Variants in RARB observed in about 807,000 individuals in gnomAD.
The protein encoded by RARB is HBV-activated protein.
Under a neutral mutation model 51.9 loss-of-function variants are expected in RARB, and 17 were observed. The observed-to-expected ratio is 0.33, with a 90% CI of 0.22 to 0.49. The LOEUF is 0.49. Ranked by LOEUF, RARB falls within the 20% of genes least tolerant of loss-of-function variation. RARB has a pLI of 0.99. For missense variants in RARB, 369 were observed against 550.8 expected (o/e 0.67, Z 3.30); for synonymous variants, 215 against 195.4 (o/e 1.10, Z -0.84).
intron 2 of RARB, among the ~76,000 whole-genome samples, chr3:25,031,608 C>T (rs755227601): frequency 2.6e-5 from 4 of 152,194 alleles, no homozygotes; most frequent in Non-Finnish European, 5.9e-5. Flanking sequence ...TGTTGACCCA[C>T]TTCCTCTTAC....
intron 3 of RARB, 66 bp downstream of exon 3, chr3:25,501,389 AG>A: frequency 6.4e-7 from 1 of 1,568,086 alleles, no homozygotes; most frequent in Non-Finnish European, 8.6e-7. Flanking sequence ...CACCTTCCAC[AG>A]TCATGTGGAA....
At chr3:25,014,881 ATT>A (rs1559434156) in intron 2 of RARB, among the ~76,000 whole-genome samples, 1 of 151,908 alleles carries the variant, frequency 6.6e-6, no homozygotes, top group East Asian at 1.9e-4. Context: ...CTCTCCTCCT[ATT>A]TTGGTTATAT....
intron 3 of RARB, among the ~76,000 whole-genome samples, chr3:25,085,524 T>G (rs886932665): frequency 6.6e-6 from 1 of 152,142 alleles, no homozygotes; most frequent in Admixed American, 6.6e-5. Flanking sequence ...CATGTTTTTC[T>G]TACTCTAGGC....
intron 2 of RARB, among the ~76,000 whole-genome samples, chr3:24,909,912 T>A (rs1186433263): frequency 7.2e-5 from 11 of 152,190 alleles, no homozygotes; most frequent in Non-Finnish European, 1.5e-4. Context: ...TGTGTTTGTA[T>A]TTATTCTCCA....
chr3:25,188,851 A>G (rs190855202), intron 5 of RARB, among the ~76,000 whole-genome samples: 156 of 152,302 alleles, frequency 1.0e-3, no homozygotes, highest in Non-Finnish European at 1.8e-3. Context: ...TGAAAAAATT[A>G]TATGTGTAAC....
At chr3:25,233,123 G>T in intron 5 of RARB, among the ~76,000 whole-genome samples, 1 of 151,640 alleles carries the variant, frequency 6.6e-6, no homozygotes, top group Middle Eastern at 3.4e-3. Context: ...CTACAGGCAC[G>T]TGCCACCATA....
At chr3:24,849,210 TA>T (rs977618110) in intron 1 of RARB, among the ~76,000 whole-genome samples, 6 of 152,044 alleles carry the variant, frequency 3.9e-5, no homozygotes, top group African/African-American at 7.2e-5. Context: ...CAATATACTG[TA>T]AAAAAAAGTA....
At chr3:25,304,804 A>T (rs1055047611) in intron 5 of RARB, among the ~76,000 whole-genome samples, 2 of 152,144 alleles carry the variant, frequency 1.3e-5, no homozygotes, top group Non-Finnish European at 2.9e-5. Flanking sequence ...TCCCTATTCA[A>T]AGCTCTCTAA....
At chr3:25,061,560 C>CT (rs1288747230) in intron 3 of RARB, among the ~76,000 whole-genome samples, 1 of 151,636 alleles carries the variant, frequency 6.6e-6, no homozygotes, top group East Asian at 1.9e-4. Context: ...CAGTTGAGTA[C>CT]TTTAAGATTT....
chr3:25,092,231 T>C (rs1368221842), intron 3 of RARB, among the ~76,000 whole-genome samples: 1 of 152,198 alleles, frequency 6.6e-6, no homozygotes, highest in Admixed American at 6.5e-5. Context: ...GAAAAAAGTA[T>C]CCAACCGAAA....
chr3:25,486,731 T>C (rs112558470), intron 2 of RARB, among the ~76,000 whole-genome samples: 2,654 of 152,258 alleles, frequency 0.017, 35 homozygotes, highest in East Asian at 0.038. Flanking sequence ...AGGTACTTTT[T>C]TGGCTACATT....
chr3:24,929,591 G>A (rs779320477), intron 2 of RARB, among the ~76,000 whole-genome samples: 2 of 152,000 alleles, frequency 1.3e-5, no homozygotes, highest in Admixed American at 1.3e-4. Context: ...GTCTCCTTAC[G>A]TAATTATAAA....
At chr3:25,192,614 T>C (rs1268725509) in intron 5 of RARB, among the ~76,000 whole-genome samples, 1 of 152,080 alleles carries the variant, frequency 6.6e-6, no homozygotes, top group Non-Finnish European at 1.5e-5. Context: ...GCATTTGGAA[T>C]TATTTAAAAG....
At chr3:25,417,412 C>T (rs540382193) in intron 5 of RARB, among the ~76,000 whole-genome samples, 40 of 152,164 alleles carry the variant, frequency 2.6e-4, no homozygotes, top group African/African-American at 8.4e-4. Context: ...CCACACATGG[C>T]GGGAGGGACC....
chr3:25,373,404 G>A (rs1231178952), intron 5 of RARB, among the ~76,000 whole-genome samples: 1 of 152,150 alleles, frequency 6.6e-6, no homozygotes, highest in Non-Finnish European at 1.5e-5. Flanking sequence ...GGAGGGTCCA[G>A]AAAAGCAGTG....
At chr3:25,032,303 T>G (rs777941612) in intron 2 of RARB, among the ~76,000 whole-genome samples, 1 of 152,166 alleles carries the variant, frequency 6.6e-6, no homozygotes, top group Non-Finnish European at 1.5e-5. Context: ...TCCCCTTACC[T>G]AAGACAAGAA....
At chr3:25,110,466 T>G (rs1699583367) in intron 3 of RARB, among the ~76,000 whole-genome samples, 1 of 152,206 alleles carries the variant, frequency 6.6e-6, no homozygotes, top group African/African-American at 2.4e-5. Flanking sequence ...TTAATTACTT[T>G]TTCCTGCATT....
rs113752451 is a variant in RARB, at chr3:25,219,398, G to A, written c.178+44823G>A. Reference sequence around the variant, plus strand: ...GAAGAGGAGGCAGAAGAATAACTACGTAATGGCTCTGAGTTCCTGCGCTTG... The same window carrying A: ...GAAGAGGAGGCAGAAGAATAACTACATAATGGCTCTGAGTTCCTGCGCTTG... On this transcript the variant is annotated intron_variant, in intron 5 of 11. Coordinates refer to the RARB transcript ENST00000383772. Among the ~76,000 whole-genome samples, 804 of 152,260 alleles carry A rather than the reference G, an allele frequency of 5.3e-3. 14 individuals are homozygous for A. Among genetic ancestry groups the A allele is most frequent in the African/African-American group, 0.017 (703 of 41,550 alleles).
At chr3:24,998,191 T>C (rs1390959990) in intron 2 of RARB, among the ~76,000 whole-genome samples, 2 of 152,130 alleles carry the variant, frequency 1.3e-5, no homozygotes, top group Admixed American at 6.6e-5. Context: ...TATTAGATTA[T>C]TGTAGTTCTT....
Sources: allele counts gnomAD v4.1 joint callset (sites outside exome capture counted in the v4.1 genomes callset), GRCh38; gene constraint gnomAD v4.1.1; transcripts MANE v1.5; gene names NCBI Gene and HGNC (gene_info 2026-07-23, HGNC 2026-07-21).